Variants in IL6R observed in about 807,000 individuals in gnomAD.
IL6R encodes the protein interleukin-6 receptor subunit alpha.
A neutral mutation model predicts 48.3 loss-of-function variants in IL6R; 38 were observed. That is an observed-to-expected ratio of 0.79 (90% CI 0.61 to 1.03). The LOEUF (loss-of-function observed/expected upper bound fraction) is 1.03. Ranked by LOEUF, IL6R falls within the 50% of genes least tolerant of loss-of-function variation. IL6R has a pLI of 0.00. For missense variants in IL6R, 534 were observed against 618.3 expected (o/e 0.86, Z 1.45); for synonymous variants, 264 against 256.2 (o/e 1.03, Z -0.29).
At chr1:154,435,898 AC>A in intron 5 of IL6R, 70 bp from the exon 6 acceptor site, 1 of 1,380,206 alleles carries the variant, frequency 7.2e-7, no homozygotes, top group Non-Finnish European at 9.8e-7. Flanking sequence ...CAAGGCACCA[AC>A]CCACTGGGGT....
intron 9 of IL6R, among the ~76,000 whole-genome samples, chr1:154,463,324 G>T (rs1263907844): frequency 6.6e-6 from 1 of 152,162 alleles, no homozygotes. Flanking sequence ...GCCCTGCTGG[G>T]CTCTCTTCCT....
rs768087727 is a variant in IL6R at position 154,448,183 on chromosome 1, T to C, written c.996+12T>C. On this transcript the variant is annotated intron_variant, in intron 7 of 9. Transcript: ENST00000368485. ...CCACCCCCATGCAGGTGAGCTCCTG[T>C]TCTTGTAAAAGGGTCAGGGCTGCAG... 2 of 1,611,550 alleles carry C rather than the reference T, an allele frequency of 1.2e-6. No homozygotes were observed. Among genetic ancestry groups the C allele is most frequent in the South Asian group, 2.2e-5 (2 of 91,018 alleles).
At chr1:154,424,056 C>T (rs961319552) in intron 1 of IL6R, among the ~76,000 whole-genome samples, 1 of 152,188 alleles carries the variant, frequency 6.6e-6, no homozygotes, top group African/African-American at 2.4e-5. Flanking sequence ...AGAGAGCTTC[C>T]TCTGGCTCCA....
Position 154,430,757 on chromosome 1 carries a change from A to G in IL6R, c.458+151A>G, listed in dbSNP as rs564586506. 4.8e-6 allele frequency: 5 copies of G among 1,048,192 alleles called. No homozygotes were observed. The Admixed American group carries it at 1.2e-4, about 25-fold the overall frequency. The allele number at this position is 1,048,192 out of a possible 1,614,324, so 64.9% of individuals were successfully genotyped here. The stretch of plus-strand genomic sequence containing the variant: ...AGGAGATGAGAGGGAACTGAGATTT[A>G]CATTTGACTGCCCCCCCTGAGCTAG... On this transcript the variant is annotated intron_variant, in intron 3 of 9. Transcript: ENST00000368485.
chr1:154,430,656 G>A, intron 3 of IL6R, 50 bp downstream of exon 3: 1 of 1,612,682 alleles, frequency 6.2e-7, no homozygotes, highest in East Asian at 2.2e-5. Context: ...TCCTTCCCGA[G>A]GCCCCCCAGA....
chr1:154,459,144 C>T (rs1024737606), intron 9 of IL6R, among the ~76,000 whole-genome samples: 1 of 152,146 alleles, frequency 6.6e-6, no homozygotes, highest in Non-Finnish European at 1.5e-5. Flanking sequence ...CCACCACTGG[C>T]CCTTAACATG....
chr1:154,442,313 AT>A, intron 6 of IL6R, among the ~76,000 whole-genome samples: 1 of 152,286 alleles, frequency 6.6e-6, no homozygotes, highest in Admixed American at 6.5e-5. Context: ...GGAGGTGACA[AT>A]TGAATTATGT....
At chr1:154,465,090 G>A (rs1442642820) in intron 9 of IL6R, 44 bp from the exon 10 acceptor site, 3 of 1,611,304 alleles carry the variant, frequency 1.9e-6, no homozygotes, top group Non-Finnish European at 2.5e-6. Context: ...GTCACAGGGG[G>A]AGCTAAAAAT....
At chr1:154,450,102 T>TTGTG (rs762323280) in intron 8 of IL6R, 122 bp downstream of exon 8, 9 of 463,478 alleles carry the variant, frequency 1.9e-5, no homozygotes, top group South Asian at 1.7e-4. Context: ...CGCAGAAATG[T>TTGTG]TCTGTGTGTG....
Position 154,459,580 on chromosome 1 carries a change from T to C in IL6R, c.1160+4999T>C, listed in dbSNP as rs115703577. Among the ~76,000 whole-genome samples the C allele has an allele frequency of 2.0e-3, 310 of 152,342 alleles. 2 individuals are homozygous for C. The highest frequency in any genetic ancestry group is 6.6e-3 in the African/African-American group (273 of 41,588). ...ATCCTGCCAGTGTATACTATATTTT[T>C]TTGTATGGCCCTAAATCTTTTTCCA... On this transcript the variant is annotated intron_variant, in intron 9 of 9. Transcript: ENST00000368485.
chr1:154,432,589 C>A (rs1296812116), intron 3 of IL6R, among the ~76,000 whole-genome samples: 2 of 152,144 alleles, frequency 1.3e-5, no homozygotes, highest in African/African-American at 2.4e-5. Context: ...AACTTCTGAC[C>A]TAGGGTGATC....
chr1:154,427,418 T>C (rs921092245), intron 1 of IL6R, among the ~76,000 whole-genome samples: 1 of 152,198 alleles, frequency 6.6e-6, no homozygotes, highest in African/African-American at 2.4e-5. Context: ...CATAGGTGTC[T>C]CAGGAACCTG....
chr1:154,454,146 A>C, intron 8 of IL6R: 1 of 325,678 alleles, frequency 3.1e-6, no homozygotes, highest in Non-Finnish European at 5.8e-6. Flanking sequence ...AGCAGGTGGA[A>C]TGTCACCAGA....
At position 154,434,632 on chromosome 1, in the gene IL6R, C is replaced by T. The variant is rs767681944; in HGVS notation, c.572C>T (p.Ser191Phe). The T allele has an allele frequency of 5.6e-6, 9 of 1,614,184 alleles. No homozygotes were observed. In the South Asian group the frequency reaches 9.9e-5, roughly 18 times the overall value. The stretch of plus-strand genomic sequence containing the variant: ...GGAGACAGCTCTTTCTACATAGTGT[C>T]CATGTGCGTCGCCAGTAGTGTCGGG... The part of the protein sequence containing the change: ...PEGDSSFYIV[S>F]MCVASSVGSK... The change falls in exon 4 of 10, where the codon TCC becomes TTC. Residue 191 changes from serine to phenylalanine, a missense_variant. Physicochemically the swap from Ser to Phe is radical, Grantham distance 155. Transcript: ENST00000368485.
intron 3 of IL6R, among the ~76,000 whole-genome samples, chr1:154,432,145 G>A (rs965950541): frequency 5.3e-5 from 8 of 152,116 alleles, no homozygotes; most frequent in Non-Finnish European, 1.0e-4. Flanking sequence ...TGAAAAGTGC[G>A]GATTACCATC....
At chr1:154,415,160 G>A in intron 1 of IL6R, 3 of 778,614 alleles carry the variant, frequency 3.9e-6, no homozygotes, top group South Asian at 1.4e-5. Flanking sequence ...GCAGGACAGG[G>A]CCCTAGGTCG....
intron 3 of IL6R, among the ~76,000 whole-genome samples, chr1:154,431,508 T>C (rs1689293771): frequency 6.6e-6 from 1 of 152,172 alleles, no homozygotes; most frequent in African/African-American, 2.4e-5. Context: ...CAGTAAGAGG[T>C]TAGCAATAAC....
At chr1:154,421,596 A>T (rs4556347) in intron 1 of IL6R, among the ~76,000 whole-genome samples, 92,437 of 151,934 alleles carry the variant, frequency 0.61, 30,119 homozygotes, top group Non-Finnish European at 0.73. Context: ...GATACTCCAG[A>T]CACCAGCCCT....
At chr1:154,448,205 G>A (rs773492485) in intron 7 of IL6R, 34 bp downstream of exon 7, 2 of 1,584,902 alleles carry the variant, frequency 1.3e-6, no homozygotes, top group Non-Finnish European at 1.7e-6. Context: ...GGTCAGGGCT[G>A]CAGCACCTCG....
Sources: allele counts gnomAD v4.1 joint callset (sites outside exome capture counted in the v4.1 genomes callset), GRCh38; gene constraint gnomAD v4.1.1; transcripts MANE v1.5; gene names NCBI Gene and HGNC (gene_info 2026-07-23, HGNC 2026-07-21).